Variants in GALNT13 observed in about 807,000 individuals in gnomAD.
GALNT13 encodes UDP-GalNAc:polypeptide N-acetylgalactosaminyltransferase 13.
In GALNT13, 28 loss-of-function variants were observed where a neutral mutation model predicts 64.2. The ratio of observed to expected loss-of-function variants is 0.44; its 90% CI spans 0.32 to 0.60. GALNT13 has a LOEUF of 0.60. GALNT13 is among the 20% of genes least tolerant of loss of function. The probability of loss-of-function intolerance (pLI) is 0.05; values close to 1 mark genes in which losing one functional copy is unlikely to be tolerated. For missense variants in GALNT13, 577 were observed against 669.8 expected, an observed-to-expected ratio of 0.86 and a Z score of 1.53; for synonymous variants, 214 against 224.6, an observed-to-expected ratio of 0.95 and a Z score of 0.42.
chr2:153,692,720 A>G, the GALNT13 span, among the ~76,000 whole-genome samples: 6 of 152,308 alleles, frequency 3.9e-5, no homozygotes, highest in African/African-American at 1.4e-4. Context: ...GTTTTAATCT[A>G]GTACACAGCA....
chr2:153,794,022 G>A, the GALNT13 span, among the ~76,000 whole-genome samples: 2 of 152,146 alleles, frequency 1.3e-5, no homozygotes, highest in African/African-American at 4.8e-5. Flanking sequence ...TCAGACGGTA[G>A]AAGGATTGTT....
chr2:153,244,574 G>A, the GALNT13 span, among the ~76,000 whole-genome samples: 2 of 152,230 alleles, frequency 1.3e-5, no homozygotes, highest in African/African-American at 4.8e-5. Context: ...GCCAAGGGAA[G>A]CCATGAAGGA....
At chr2:153,448,015 T>G in the GALNT13 span, among the ~76,000 whole-genome samples, 1 of 152,190 alleles carries the variant, frequency 6.6e-6, no homozygotes, top group South Asian at 2.1e-4. Context: ...ATCCATTGAG[T>G]TAAATCTAAA....
chr2:154,325,651 G>A (rs141278313), intron 9 of GALNT13, among the ~76,000 whole-genome samples: 1 of 151,382 alleles, frequency 6.6e-6, no homozygotes, highest in East Asian at 2.0e-4. Flanking sequence ...ACTTTGATGG[G>A]GTACGTGTGA....
chr2:153,654,369 T>C, the GALNT13 span, among the ~76,000 whole-genome samples: 1 of 152,136 alleles, frequency 6.6e-6, no homozygotes, highest in Non-Finnish European at 1.5e-5. Flanking sequence ...GGCAAAAGTA[T>C]TGATGATATT....
At chr2:153,087,654 C>T in the GALNT13 span, among the ~76,000 whole-genome samples, 2 of 151,794 alleles carry the variant, frequency 1.3e-5, no homozygotes, top group African/African-American at 4.8e-5. Context: ...TTCAATTCAT[C>T]CTCTATCTGT....
At chr2:154,002,023 T>G (rs879691411) in intron 3 of GALNT13, among the ~76,000 whole-genome samples, 38 of 152,154 alleles carry the variant, frequency 2.5e-4, no homozygotes, top group Non-Finnish European at 3.5e-4. Context: ...GGGTTTCTGC[T>G]GAAAAATCTG....
intron 8 of GALNT13, among the ~76,000 whole-genome samples, chr2:154,277,386 C>A (rs1210218680): frequency 6.6e-6 from 1 of 152,012 alleles, no homozygotes; most frequent in African/African-American, 2.4e-5. Context: ...TATTAAAGAG[C>A]CAACTTTAAA....
At chr2:153,346,214 T>C in the GALNT13 span, among the ~76,000 whole-genome samples, 2 of 152,194 alleles carry the variant, frequency 1.3e-5, no homozygotes, top group Non-Finnish European at 2.9e-5. Flanking sequence ...TGAATCATAA[T>C]GCCCAGCCTC....
the GALNT13 span, among the ~76,000 whole-genome samples, chr2:153,165,212 G>A: frequency 1.4e-4 from 22 of 152,282 alleles, no homozygotes; most frequent in Non-Finnish European, 2.1e-4. Context: ...TGTAAACACA[G>A]TATTGTTTCA....
chr2:153,604,225 G>C, the GALNT13 span, among the ~76,000 whole-genome samples: 1 of 151,970 alleles, frequency 6.6e-6, no homozygotes, highest in Non-Finnish European at 1.5e-5. Context: ...CAACATTTTG[G>C]TTGATACCAA....
intron 4 of GALNT13, among the ~76,000 whole-genome samples, chr2:154,225,828 A>G (rs962496590): frequency 1.1e-4 from 17 of 152,108 alleles, no homozygotes; most frequent in Non-Finnish European, 2.4e-4. Flanking sequence ...TATAATGCCA[A>G]TACACTGAGT....
intron 9 of GALNT13, among the ~76,000 whole-genome samples, chr2:154,354,010 A>G (rs1696567430): frequency 6.6e-6 from 1 of 152,198 alleles, no homozygotes; most frequent in Non-Finnish European, 1.5e-5. Context: ...TAGCTACACC[A>G]ATCAACATTT....
intron 3 of GALNT13, among the ~76,000 whole-genome samples, chr2:154,129,680 C>T (rs1682499736): frequency 6.6e-6 from 1 of 151,828 alleles, no homozygotes; most frequent in Admixed American, 6.6e-5. Flanking sequence ...TTATATTTAT[C>T]TTTATATTTT....
chr2:154,302,542 C>G (rs1693502565), intron 9 of GALNT13, among the ~76,000 whole-genome samples: 1 of 152,170 alleles, frequency 6.6e-6, no homozygotes, highest in Non-Finnish European at 1.5e-5. Context: ...TGAAAAGAGT[C>G]AAACTCTGTA....
the GALNT13 span, among the ~76,000 whole-genome samples, chr2:153,736,956 T>G: frequency 6.6e-6 from 1 of 152,210 alleles, no homozygotes; most frequent in Admixed American, 6.6e-5. Context: ...GAATTGCTTC[T>G]GCCTTTCCCA....
chr2:153,778,243 T>TG, the GALNT13 span, among the ~76,000 whole-genome samples: 1 of 152,210 alleles, frequency 6.6e-6, no homozygotes, highest in Non-Finnish European at 1.5e-5. Flanking sequence ...CCTATGTGTC[T>TG]GCCTGCTACA....
chr2:153,144,651 T>G, the GALNT13 span, among the ~76,000 whole-genome samples: 1 of 151,820 alleles, frequency 6.6e-6, no homozygotes, highest in Non-Finnish European at 1.5e-5. Flanking sequence ...AGATACAAAC[T>G]CATGGTCTGC....
At chr2:153,214,118 G>T in the GALNT13 span, among the ~76,000 whole-genome samples, 15 of 152,166 alleles carry the variant, frequency 9.9e-5, no homozygotes, top group African/African-American at 1.4e-4. Context: ...AGGTATAAAA[G>T]GTTTTAAAAT....
Sources: gnomAD v4.1 joint callset for allele counts (sites outside exome capture counted in the v4.1 genomes callset) on GRCh38, gnomAD v4.1.1 for gene constraint, MANE v1.5 for transcripts, NCBI Gene and HGNC (gene_info 2026-07-23, HGNC 2026-07-21) for gene names.